KHDRBS2: variants seen among roughly 807,000 people sequenced by gnomAD.
KHDRBS2 encodes KH domain-containing, RNA-binding, signal transduction-associated protein 2.
Under a neutral mutation model 44.3 loss-of-function variants are expected in KHDRBS2, and 26 were observed. The ratio of observed to expected loss-of-function variants is 0.59; its 90% CI spans 0.43 to 0.81. KHDRBS2 has a LOEUF of 0.81. KHDRBS2 is among the 40% of genes least tolerant of loss of function. The pLI, the probability that KHDRBS2 is intolerant of heterozygous loss-of-function variation, is 0.00. For synonymous variants in KHDRBS2, 194 were observed against 151.1 expected, an observed-to-expected ratio of 1.28 and a Z score of -2.08; for missense variants, 476 against 433.1, an observed-to-expected ratio of 1.10 and a Z score of -0.88.
chr6:62,278,395 A>T lies in KHDRBS2; in HGVS notation c.91+7463T>A, dbSNP rs76858523. On this transcript the variant is annotated intron_variant, in intron 1 of 8. Transcript: ENST00000281156. ...ACTGTATACATAAAGAGAAACTGAG[A>T]ATAATGATCAGTTATGTTCCCATTC... Among the ~76,000 whole-genome samples, 779 of 152,288 alleles carry T rather than the reference A, an allele frequency of 5.1e-3. 9 individuals are homozygous for T. Among genetic ancestry groups the T allele is most frequent in the African/African-American group, 0.018 (737 of 41,566 alleles).
At chr6:61,656,762 T>C in the KHDRBS2 span, among the ~76,000 whole-genome samples, 7 of 151,908 alleles carry the variant, frequency 4.6e-5, no homozygotes, top group East Asian at 1.2e-3. Flanking sequence ...AGCACATCAC[T>C]GACTGATTAA....
chr6:61,714,154 G>A lies in KHDRBS2; in HGVS notation c.894-16901C>T, dbSNP rs575992472. Among the ~76,000 whole-genome samples, 17 of 151,798 alleles carry A rather than the reference G, an allele frequency of 1.1e-4. No homozygotes were observed. The East Asian group carries it at 3.1e-3, about 28-fold the overall frequency. On this transcript the variant is annotated intron_variant, in intron 7 of 8. Coordinates refer to ENST00000281156, the MANE Select transcript of KHDRBS2 (RefSeq NM_152688.4). ...ATTTTAAAACTATTCATTTAACAAA[G>A]GACTAATATCCAGAATCTACAAGGA...
chr6:62,125,007 T>C (rs555235075), intron 2 of KHDRBS2, among the ~76,000 whole-genome samples: 1 of 152,324 alleles, frequency 6.6e-6, no homozygotes, highest in African/African-American at 2.4e-5. Flanking sequence ...CTGAACATTT[T>C]TTTTCATGTT....
At chr6:61,788,056 T>C (rs996079859) in intron 6 of KHDRBS2, among the ~76,000 whole-genome samples, 3 of 151,626 alleles carry the variant, frequency 2.0e-5, no homozygotes, top group African/African-American at 7.2e-5. Context: ...GGAATAATTT[T>C]TTAAGTGCAT....
the KHDRBS2 span, among the ~76,000 whole-genome samples, chr6:61,559,967 C>A: frequency 1.3e-5 from 2 of 152,228 alleles, no homozygotes; most frequent in East Asian, 3.9e-4. Context: ...GACTGAATAA[C>A]TCCATTTAGC....
At chr6:62,231,147 T>A (rs553177012) in intron 1 of KHDRBS2, among the ~76,000 whole-genome samples, 1 of 152,316 alleles carries the variant, frequency 6.6e-6, no homozygotes, top group South Asian at 2.1e-4. Flanking sequence ...TCATAGTCAA[T>A]CACTTTTTGA....
chr6:61,980,618 T>A (rs2066990), intron 3 of KHDRBS2, among the ~76,000 whole-genome samples: 16,706 of 152,158 alleles, frequency 0.11, 1,043 homozygotes, highest in East Asian at 0.19. Flanking sequence ...AAGATGGGCC[T>A]AAGGCTAAGG....
chr6:61,610,679 G>A, the KHDRBS2 span, among the ~76,000 whole-genome samples: 1 of 152,216 alleles, frequency 6.6e-6, no homozygotes, highest in Non-Finnish European at 1.5e-5. Context: ...CAATCCAAGA[G>A]AGAGAACAAG....
intron 4 of KHDRBS2, among the ~76,000 whole-genome samples, chr6:61,922,322 A>G (rs1347883218): frequency 6.6e-6 from 1 of 152,062 alleles, no homozygotes. Flanking sequence ...GCCTTGAAAA[A>G]GTCTCCAAAT....
rs561491203 is a variant in KHDRBS2, at chr6:62,225,216, T to C, written c.92-47904A>G. Among the ~76,000 whole-genome samples the C allele has an allele frequency of 2.1e-3, 319 of 152,300 alleles. 1 individual carries two copies. Among genetic ancestry groups the C allele is most frequent in the African/African-American group, 7.2e-3 (300 of 41,566 alleles). The stretch of plus-strand genomic sequence containing the variant: ...ACTGAGAAACTCTGGTCTAATCTGA[T>C]CAATCCAGGAGGGTTCACTTATCCC... On this transcript the variant is annotated intron_variant, in intron 1 of 8. Transcript: ENST00000281156.
intron 6 of KHDRBS2, among the ~76,000 whole-genome samples, chr6:61,870,740 G>C (rs760140570): frequency 6.6e-6 from 1 of 152,138 alleles, no homozygotes; most frequent in African/African-American, 2.4e-5. Flanking sequence ...ACAGGGTCTG[G>C]AGTGGACCTC....
At chr6:61,989,732 T>G (rs1453701297) in intron 3 of KHDRBS2, among the ~76,000 whole-genome samples, 4 of 152,204 alleles carry the variant, frequency 2.6e-5, no homozygotes, top group Non-Finnish European at 5.9e-5. Flanking sequence ...TATTTCTTCA[T>G]CACCCACTGA....
At chr6:61,795,941 A>C (rs1253075092) in intron 6 of KHDRBS2, among the ~76,000 whole-genome samples, 1 of 152,178 alleles carries the variant, frequency 6.6e-6, no homozygotes, top group Non-Finnish European at 1.5e-5. Context: ...AAAAAGAACA[A>C]AGAACAAGTG....
At chr6:62,262,011 G>T (rs1298776774) in intron 1 of KHDRBS2, among the ~76,000 whole-genome samples, 1 of 151,682 alleles carries the variant, frequency 6.6e-6, no homozygotes, top group Non-Finnish European at 1.5e-5. Flanking sequence ...ACCCTTAAAA[G>T]TGTAAGATAA....
intron 3 of KHDRBS2, among the ~76,000 whole-genome samples, chr6:62,011,320 C>A (rs1780243625): frequency 6.6e-6 from 1 of 152,042 alleles, no homozygotes; most frequent in South Asian, 2.1e-4. Context: ...AATGTAAATT[C>A]TACTGTGAAT....
At chr6:61,667,240 C>CT in the KHDRBS2 span, among the ~76,000 whole-genome samples, 4 of 149,224 alleles carry the variant, frequency 2.7e-5, no homozygotes, top group Non-Finnish European at 4.5e-5. Flanking sequence ...ACTATATTCT[C>CT]TTTTTTTAAT....
chr6:61,814,473 G>A (rs1788597377), intron 6 of KHDRBS2, among the ~76,000 whole-genome samples: 2 of 151,840 alleles, frequency 1.3e-5, no homozygotes, highest in Admixed American at 1.3e-4. Flanking sequence ...TTGGTGTGGT[G>A]CTGCGTGCCT....
At chr6:61,720,048 G>T (rs1247348224) in intron 7 of KHDRBS2, among the ~76,000 whole-genome samples, 1 of 151,924 alleles carries the variant, frequency 6.6e-6, no homozygotes, top group Non-Finnish European at 1.5e-5. Flanking sequence ...TTGTTCTTGC[G>T]ATAGTTTACT....
At chr6:62,206,732 A>T (rs532174795) in intron 1 of KHDRBS2, among the ~76,000 whole-genome samples, 1 of 152,050 alleles carries the variant, frequency 6.6e-6, no homozygotes, top group African/African-American at 2.4e-5. Flanking sequence ...TTTCTGTTTT[A>T]GTTTGTTCCT....
Sources: allele counts gnomAD v4.1 joint callset (sites outside exome capture counted in the v4.1 genomes callset), GRCh38; gene constraint gnomAD v4.1.1; transcripts MANE v1.5; gene names NCBI Gene and HGNC (gene_info 2026-07-23, HGNC 2026-07-21).